The following RAPGEF5 variants were observed in gnomAD, a reference collection of about 807,000 sequenced individuals.
RAPGEF5 encodes M-Ras-regulated GEF.
A neutral mutation model predicts 125.2 loss-of-function variants in RAPGEF5; 65 were observed. The ratio of observed to expected loss-of-function variants is 0.52; its 90% CI spans 0.43 to 0.64. The LOEUF (loss-of-function observed/expected upper bound fraction) is 0.64. RAPGEF5 is among the 30% of genes least tolerant of loss of function. RAPGEF5 has a pLI of 0.00. For missense variants in RAPGEF5, 958 were observed against 1,048.1 expected (o/e 0.91, Z 1.19); for synonymous variants, 391 against 385.9 (o/e 1.01, Z -0.16).
intron 7 of RAPGEF5, among the ~76,000 whole-genome samples, chr7:22,243,594 T>C (rs922855450): frequency 1.3e-5 from 2 of 152,210 alleles, no homozygotes; most frequent in African/African-American, 4.8e-5. Context: ...ATCAGCCCAA[T>C]CTATTTCTTA....
chr7:22,252,682 T>C (rs1231771914), intron 7 of RAPGEF5, among the ~76,000 whole-genome samples: 1 of 152,222 alleles, frequency 6.6e-6, no homozygotes, highest in Admixed American at 6.5e-5. Context: ...TAGTATGCCA[T>C]TGAATGGTTA....
intron 7 of RAPGEF5, among the ~76,000 whole-genome samples, chr7:22,260,246 A>G (rs1022862232): frequency 6.6e-6 from 1 of 152,204 alleles, no homozygotes; most frequent in Non-Finnish European, 1.5e-5. Flanking sequence ...TAGAATGTAC[A>G]ACATCAAGAG....
At chr7:22,189,257 T>C (rs1376833286) in intron 11 of RAPGEF5, among the ~76,000 whole-genome samples, 2 of 152,082 alleles carry the variant, frequency 1.3e-5, no homozygotes, top group Non-Finnish European at 2.9e-5. Flanking sequence ...TTCCCTAAGG[T>C]AGACCTGTCG....
At chr7:22,157,712 A>T in intron 15 of RAPGEF5, 143 bp downstream of exon 15, 1 of 850,710 alleles carries the variant, frequency 1.2e-6, no homozygotes, top group Non-Finnish European at 1.9e-6. Flanking sequence ...AGGAAAGCGC[A>T]GGGAAGCTGC....
chr7:22,188,493 G>A (rs1012979798), intron 11 of RAPGEF5, among the ~76,000 whole-genome samples: 3 of 152,092 alleles, frequency 2.0e-5, no homozygotes, highest in Admixed American at 6.6e-5. Flanking sequence ...ACAGCCGGGC[G>A]CAGTGGCTCA....
chr7:22,319,392 C>T (rs1490354050), intron 1 of RAPGEF5, among the ~76,000 whole-genome samples: 1 of 152,188 alleles, frequency 6.6e-6, no homozygotes, highest in East Asian at 1.9e-4. Context: ...CTGCCCCTTC[C>T]CCAGGCCACA....
chr7:22,257,539 T>A (rs1782027885), intron 7 of RAPGEF5, among the ~76,000 whole-genome samples: 1 of 152,250 alleles, frequency 6.6e-6, no homozygotes, highest in Admixed American at 6.5e-5. Context: ...GCTTATAGTT[T>A]GTGCCCAGCT....
At chr7:22,182,111 C>CA (rs936157559) in intron 11 of RAPGEF5, among the ~76,000 whole-genome samples, 27 of 152,136 alleles carry the variant, frequency 1.8e-4, no homozygotes, top group Admixed American at 7.9e-4. Flanking sequence ...CACTCTTACA[C>CA]AAAAAAACAC....
At chr7:22,248,423 G>A (rs1380440088) in intron 7 of RAPGEF5, among the ~76,000 whole-genome samples, 1 of 152,120 alleles carries the variant, frequency 6.6e-6, no homozygotes, top group Non-Finnish European at 1.5e-5. Flanking sequence ...GAGATGTGAG[G>A]TGCCCGATGT....
At chr7:22,318,828 C>A (rs960934214) in intron 1 of RAPGEF5, among the ~76,000 whole-genome samples, 1 of 152,116 alleles carries the variant, frequency 6.6e-6, no homozygotes, top group Non-Finnish European at 1.5e-5. Context: ...TGCTACTATT[C>A]AGGTGCAGCA....
chr7:22,312,277 C>T (rs979389029), intron 3 of RAPGEF5, among the ~76,000 whole-genome samples: 8 of 151,674 alleles, frequency 5.3e-5, no homozygotes, highest in African/African-American at 1.7e-4. Context: ...AGTGCGATCT[C>T]GGCTCACTGC....
intron 20 of RAPGEF5, among the ~76,000 whole-genome samples, chr7:22,140,503 T>G (rs2128103637): frequency 6.6e-6 from 1 of 152,278 alleles, no homozygotes. Flanking sequence ...TTTTCATTTT[T>G]TGACAGACAA....
Position 22,253,031 on chromosome 7 carries a change from G to A in RAPGEF5, c.796+13933C>T, listed in dbSNP as rs150372805. Among the ~76,000 whole-genome samples the A allele has an allele frequency of 1.2e-3, 178 of 152,176 alleles. 3 individuals carry two copies. The East Asian group carries it at 0.03, about 26-fold the overall frequency. On this transcript the variant is annotated intron_variant, in intron 7 of 25. Coordinates refer to ENST00000665637, the MANE Select transcript of RAPGEF5 (RefSeq NM_012294.5). ...CAAGAACATGCACTGGTGGAGACAG[G>A]ACGTGAATATACAAAATTTGTCAGC...
At position 22,128,551 on chromosome 7, in the gene RAPGEF5, T is replaced by C. The variant is rs190611520; in HGVS notation, c.2481+2486A>G. On this transcript the variant is annotated intron_variant, in intron 24 of 25. Coordinates refer to ENST00000665637, the MANE Select transcript of RAPGEF5 (RefSeq NM_012294.5). ...TTACCTTTAGAGAAACCCAGTCCTT[T>C]ACTAAGAAATATTCCTTGAAAATAG... Among the ~76,000 whole-genome samples, 50 of 152,364 alleles carry C rather than the reference T, an allele frequency of 3.3e-4. 1 individual carries two copies. In the East Asian group the frequency reaches 7.1e-3, roughly 22 times the overall value.
intron 7 of RAPGEF5, among the ~76,000 whole-genome samples, chr7:22,232,975 C>T (rs1428695966): frequency 7.9e-5 from 12 of 152,164 alleles, no homozygotes; most frequent in African/African-American, 2.9e-4. Context: ...AGGGTAGAAG[C>T]TTTTCTTCTA....
At chr7:22,193,235 A>G (rs900441548) in intron 11 of RAPGEF5, 132 bp downstream of exon 11, 261 of 955,038 alleles carry the variant, frequency 2.7e-4, no homozygotes, top group Non-Finnish European at 3.5e-4. Flanking sequence ...AAGGCAAGGG[A>G]CGAGTCGCAC....
chr7:22,320,313 C>A (rs1783690213), intron 1 of RAPGEF5, among the ~76,000 whole-genome samples: 1 of 152,172 alleles, frequency 6.6e-6, no homozygotes, highest in South Asian at 2.1e-4. Context: ...AAACGATGAT[C>A]ATAACTGTAC....
At chr7:22,209,813 A>C (rs1360345421) in intron 9 of RAPGEF5, among the ~76,000 whole-genome samples, 4 of 152,226 alleles carry the variant, frequency 2.6e-5, no homozygotes, top group Non-Finnish European at 5.9e-5. Flanking sequence ...AAGAGATAAA[A>C]GCACAAAGCC....
At chr7:22,152,211 C>A (rs2128107715) in intron 17 of RAPGEF5, among the ~76,000 whole-genome samples, 1 of 152,254 alleles carries the variant, frequency 6.6e-6, no homozygotes, top group South Asian at 2.1e-4. Context: ...TACGGCCCAG[C>A]ATTATAAAGA....
Sources: gnomAD v4.1 joint callset for allele counts (sites outside exome capture counted in the v4.1 genomes callset) on GRCh38, gnomAD v4.1.1 for gene constraint, MANE v1.5 for transcripts, NCBI Gene and HGNC (gene_info 2026-07-23, HGNC 2026-07-21) for gene names.